FANCB: variants seen among roughly 807,000 people sequenced by gnomAD.
FANCB encodes Fanconi anemia group B protein.
FANCB carries 5 observed loss-of-function variants against 38.9 expected under a neutral mutation model. That is an observed-to-expected ratio of 0.13 (90% CI 0.07 to 0.27). The LOEUF (loss-of-function observed/expected upper bound fraction) is 0.27. FANCB is among the 10% of genes least tolerant of loss of function. The probability of loss-of-function intolerance (pLI) is 1.00; values close to 1 mark genes in which losing one functional copy is unlikely to be tolerated. For synonymous variants in FANCB, 236 were observed against 215.4 expected (o/e 1.10, Z -0.84); for missense variants, 573 against 602.7 (o/e 0.95, Z 0.52).
At chrX:14,770,732 T>G in the FANCB span, among the ~76,000 whole-genome samples, 3 of 112,433 alleles carry the variant, frequency 2.7e-5, no homozygotes, top group East Asian at 8.3e-4. Context: ...ATAGTGTCAC[T>G]GGTCTGTGTA....
chrX:14,845,035 G>A lies in FANCB; in HGVS notation c.1748C>T (p.Ser583Phe). Residue 583 changes from serine to phenylalanine, a missense_variant, in exon 8 of 10, where the codon TCT becomes TTT. Transcript: ENST00000650831. Reference protein sequence around the residue: ...ECVQIITAVTSLSPLLTFSKF... With the variant: ...ECVQIITAVTFLSPLLTFSKF... ...ACTGAATGTTAAAAGTGGTGAAAGAGATGTTACAGCAGTAATTATCTGTAC... is the reference window on the plus strand; with the variant it reads ...ACTGAATGTTAAAAGTGGTGAAAGAAATGTTACAGCAGTAATTATCTGTAC... The A allele has an allele frequency of 8.3e-7, 1 of 1,209,144 alleles. No homozygotes were observed.
chrX:14,836,194 C>T (rs1329977593), exon 11 of FANCB: 1 of 111,774 alleles, frequency 8.9e-6, no homozygotes, highest in Non-Finnish European at 1.9e-5. Flanking sequence ...TCTATGATTC[C>T]ACTCACATGA....
At chrX:14,858,404 A>T (rs2092432418) in intron 4 of FANCB, among the ~76,000 whole-genome samples, 2 of 110,934 alleles carry the variant, frequency 1.8e-5, no homozygotes, top group South Asian at 3.7e-4. Flanking sequence ...CTCCAAAAAA[A>T]AAAAAATAAA....
chrX:14,784,352 T>C, the FANCB span, among the ~76,000 whole-genome samples: 15 of 111,959 alleles, frequency 1.3e-4, no homozygotes, highest in Non-Finnish European at 2.4e-4. Context: ...TAGAGGATAA[T>C]TCATTCCCTT....
intron 5 of FANCB, among the ~76,000 whole-genome samples, chrX:14,853,565 C>T (rs2092410856): frequency 8.9e-6 from 1 of 112,131 alleles, no homozygotes; most frequent in Non-Finnish European, 1.9e-5. Flanking sequence ...AAGGCATCCA[C>T]ATAAGCAAAG....
chrX:14,789,088 T>C, the FANCB span, among the ~76,000 whole-genome samples: 5 of 111,844 alleles, frequency 4.5e-5, no homozygotes, highest in Admixed American at 4.8e-4. Context: ...ACCACAACAC[T>C]ATAAGCTCAG....
At chrX:14,829,289 G>T in the FANCB span, among the ~76,000 whole-genome samples, 1 of 111,270 alleles carries the variant, frequency 9.0e-6, no homozygotes, top group Admixed American at 9.6e-5. Flanking sequence ...TGTCACCCAG[G>T]CTTGTGGATT....
At chrX:14,813,593 A>G in the FANCB span, among the ~76,000 whole-genome samples, 1 of 111,673 alleles carries the variant, frequency 9.0e-6, no homozygotes, top group Admixed American at 9.5e-5. Context: ...AAAGAGAATA[A>G]AACACTTAGG....
chrX:14,772,714 G>A, the FANCB span, among the ~76,000 whole-genome samples: 26 of 111,524 alleles, frequency 2.3e-4, no homozygotes, highest in Non-Finnish European at 4.5e-4. Flanking sequence ...CAGGGCCAGA[G>A]TATATAAAAC....
At chrX:14,829,534 T>C in the FANCB span, among the ~76,000 whole-genome samples, 1,550 of 111,796 alleles carry the variant, frequency 0.014, 25 homozygotes, top group African/African-American at 0.041. Context: ...ATGTTTAGTA[T>C]GGCTACCTTT....
chrX:14,739,177 A>G, the FANCB span, among the ~76,000 whole-genome samples: 1 of 112,077 alleles, frequency 8.9e-6, no homozygotes, highest in African/African-American at 3.2e-5. Context: ...ATTTTTTCAT[A>G]GATTATAAAG....
At chrX:14,728,957 GTTC>G in the FANCB span, among the ~76,000 whole-genome samples, 22 of 112,231 alleles carry the variant, frequency 2.0e-4, no homozygotes, top group Non-Finnish European at 3.8e-4. Flanking sequence ...AACTGAAATA[GTTC>G]TTCTCACCTT....
At chrX:14,862,964 A>G (rs903648323) in intron 3 of FANCB, among the ~76,000 whole-genome samples, 4 of 112,567 alleles carry the variant, frequency 3.6e-5, no homozygotes, top group African/African-American at 1.3e-4. Context: ...AGAGAATGGA[A>G]AAAGACAATT....
rs146131050 is a variant in FANCB at position 14,865,018 on chromosome X, C to G, written c.493G>C (p.Gly165Arg). Residue 165 changes from glycine (G) to arginine (R), a missense_variant, in exon 3 of 10, where the codon GGT (glycine) becomes CGT (arginine). Gly to Arg is a moderately radical substitution (Grantham distance 125). Coordinates refer to ENST00000650831, the MANE Select transcript of FANCB (RefSeq NM_001018113.3). ...SQTGKVVSVS[G>R]NFSSIQWAGE... Reference sequence around the variant, plus strand: ...GCCCACTGAATAGAGGAAAAGTTACCTGACACACTAACAACTTTGCCAGTT... The same window carrying G: ...GCCCACTGAATAGAGGAAAAGTTACGTGACACACTAACAACTTTGCCAGTT... 66 of 1,208,471 alleles carry G rather than the reference C, an allele frequency of 5.5e-5. No homozygotes were observed. The highest frequency in any genetic ancestry group is 6.5e-5 in the Non-Finnish European group (58 of 894,322).
intron 5 of FANCB, among the ~76,000 whole-genome samples, chrX:14,854,266 TG>T (rs2092414063): frequency 9.0e-6 from 1 of 111,310 alleles, no homozygotes; most frequent in Non-Finnish European, 1.9e-5. Flanking sequence ...ACTGAGCTAC[TG>T]GAGGGGTGGG....
the FANCB span, among the ~76,000 whole-genome samples, chrX:14,756,610 A>T: frequency 8.9e-6 from 1 of 111,886 alleles, no homozygotes; most frequent in Non-Finnish European, 1.9e-5. Flanking sequence ...TGATCAATTA[A>T]GCAACTGACC....
chrX:14,843,407 G>T lies in FANCB; in HGVS notation c.*160C>A. ...AGAGGGAGATAAAATGGCCCTAGTT[G>T]AGAACCACTGCTGTTTATTTTGTGC... On this transcript the variant is annotated 3_prime_UTR_variant, in exon 10 of 10. Transcript: ENST00000650831. The T allele has an allele frequency of 2.4e-6, 1 of 422,642 alleles. No homozygotes were observed. The highest frequency in any genetic ancestry group is 4.0e-6 in the Non-Finnish European group (1 of 247,667). The allele number at this position is 422,642 out of a possible 1,213,427, so 34.8% of individuals were successfully genotyped here.
chrX:14,697,838 T>C, the FANCB span, among the ~76,000 whole-genome samples: 1 of 112,292 alleles, frequency 8.9e-6, no homozygotes, highest in Admixed American at 9.4e-5. Flanking sequence ...TGAATGCTCA[T>C]AATTGAGTGA....
chrX:14,776,713 A>T, the FANCB span, among the ~76,000 whole-genome samples: 1 of 112,541 alleles, frequency 8.9e-6, no homozygotes, highest in African/African-American at 3.2e-5. Flanking sequence ...TTGGACAACC[A>T]CTTAACCAAA....
Sources: allele counts gnomAD v4.1 joint callset (sites outside exome capture counted in the v4.1 genomes callset), GRCh38; gene constraint gnomAD v4.1.1; transcripts MANE v1.5; gene names NCBI Gene and HGNC (gene_info 2026-07-23, HGNC 2026-07-21).